DST: variants seen among roughly 807,000 people sequenced by gnomAD.
The protein encoded by DST is bullous pemphigoid antigen.
In DST, 253 loss-of-function variants were observed where a neutral mutation model predicts 875.2. The observed-to-expected ratio is 0.29, with a 90% confidence interval of 0.26 to 0.32. The LOEUF (loss-of-function observed/expected upper bound fraction) is 0.32. DST is among the 10% of genes least tolerant of loss of function. The pLI is 1.00. For missense variants in DST, 8,287 were observed against 9,111.6 expected (o/e 0.91, Z 3.68); for synonymous variants, 3,124 against 3,197.1 (o/e 0.98, Z 0.77).
intron 2 of DST, among the ~76,000 whole-genome samples, chr6:56,933,370 A>C (rs187409067): frequency 3.3e-4 from 51 of 152,346 alleles, no homozygotes; most frequent in African/African-American, 1.2e-3. Context: ...TGCCTTTAAG[A>C]ACTCGACTTG....
At chr6:56,641,407 C>A (rs759617183) in intron 17 of DST, among the ~76,000 whole-genome samples, 1 of 151,902 alleles carries the variant, frequency 6.6e-6, no homozygotes, top group South Asian at 2.1e-4. Flanking sequence ...GCAAACATGG[C>A]AAAACCCTGC....
chr6:56,644,820 T>C (rs755111017), intron 15 of DST, among the ~76,000 whole-genome samples: 5 of 152,142 alleles, frequency 3.3e-5, no homozygotes, highest in Admixed American at 6.6e-5. Context: ...TACCCTGTAA[T>C]ATGGTTTGCC....
intron 4 of DST, among the ~76,000 whole-genome samples, chr6:56,831,617 T>C (rs1024490133): frequency 6.6e-6 from 1 of 152,092 alleles, no homozygotes; most frequent in Admixed American, 6.6e-5. Flanking sequence ...CAAACTCTGC[T>C]CTTTGAGAGG....
intron 3 of DST, among the ~76,000 whole-genome samples, chr6:56,872,123 G>C (rs1237313726): frequency 6.6e-6 from 1 of 152,102 alleles, no homozygotes; most frequent in African/African-American, 2.4e-5. Context: ...GCATGTACAA[G>C]AAAATGCACA....
intron 4 of DST, among the ~76,000 whole-genome samples, chr6:56,812,995 CAAT>C (rs1237110123): frequency 1.3e-5 from 2 of 151,736 alleles, no homozygotes; most frequent in African/African-American, 4.8e-5. Flanking sequence ...AAATGTCCAA[CAAT>C]GATAGACTGG....
intron 4 of DST, among the ~76,000 whole-genome samples, chr6:56,822,743 TTTTATA>T (rs995362497): frequency 2.0e-5 from 3 of 152,104 alleles, no homozygotes; most frequent in Non-Finnish European, 4.4e-5. Context: ...CCTCTAGACC[TTTTATA>T]TTTAGAGGTT....
intron 82 of DST, among the ~76,000 whole-genome samples, chr6:56,496,486 T>A (rs2095909143): frequency 1.3e-5 from 2 of 151,992 alleles, no homozygotes; most frequent in Admixed American, 1.3e-4. Context: ...TTTTTTTTTT[T>A]AACGGAACAA....
intron 55 of DST, among the ~76,000 whole-genome samples, chr6:56,562,832 T>C (rs2097562098): frequency 6.6e-6 from 1 of 150,866 alleles, no homozygotes. Context: ...AGTGAGAACA[T>C]GCGGTGTTTG....
intron 58 of DST, 67 bp downstream of exon 58, chr6:56,560,227 A>AG: frequency 7.2e-7 from 1 of 1,389,520 alleles, no homozygotes; most frequent in Non-Finnish European, 9.6e-7. Context: ...TCTGATAAAG[A>AG]TCATGATAAA....
chr6:56,477,474 T>C lies in DST; in HGVS notation c.21546A>G (p.Lys7182=). Residue 7182 remains lysine, a synonymous_variant, in exon 91 of 104, where the codon AAA becomes AAG. Coordinates refer to ENST00000680361, the MANE Select transcript of DST (RefSeq NM_001374736.1). ...TTAGTTCAGCTCTCTTTTCTTCCAG[T>C]TTCTTCATGAATTCCTACAGCAGAA... ...LIDQHKEFMK[K]LEEKRAELNK... 1 of 1,613,972 alleles carries C rather than the reference T, an allele frequency of 6.2e-7. No individual in the cohort carries two copies. Among genetic ancestry groups the C allele is most frequent in the African/African-American group, 1.3e-5 (1 of 75,042 alleles).
intron 3 of DST, among the ~76,000 whole-genome samples, chr6:56,880,618 T>C (rs67063738): frequency 0.27 from 39,703 of 148,658 alleles, 6,253 homozygotes; most frequent in African/African-American, 0.45. Context: ...ACCCAGGAGG[T>C]GGAGGTTGCA....
chr6:56,948,357 G>C (rs2127809001), intron 2 of DST, among the ~76,000 whole-genome samples: 1 of 152,236 alleles, frequency 6.6e-6, no homozygotes, highest in East Asian at 1.9e-4. Flanking sequence ...AGTAAAATAA[G>C]GGTGACTTGA....
intron 4 of DST, among the ~76,000 whole-genome samples, chr6:56,740,218 T>C (rs1175625608): frequency 6.6e-6 from 1 of 152,166 alleles, no homozygotes; most frequent in African/African-American, 2.4e-5. Flanking sequence ...TCACCCTGAA[T>C]TCTCTCTGGC....
intron 9 of DST, chr6:56,692,459 AC>A (rs1216999481): frequency 1.6e-6 from 2 of 1,289,220 alleles, no homozygotes; most frequent in Non-Finnish European, 2.0e-6. Flanking sequence ...TTTTTTTTAA[AC>A]TGAAAATGCT....
chr6:56,923,463 C>CAAA (rs57118743), intron 2 of DST, among the ~76,000 whole-genome samples: 4,321 of 48,660 alleles, frequency 0.089, 329 homozygotes, highest in East Asian at 0.13. Context: ...GGCTCACTGG[C>CAAA]AAAAAAAAAA....
intron 100 of DST, chr6:56,464,374 C>A: frequency 2.6e-6 from 1 of 387,494 alleles, no homozygotes; most frequent in Non-Finnish European, 4.6e-6. Context: ...AACACCAGAC[C>A]CAAGGATCTG....
rs77170458 is a variant in DST, at chr6:56,941,853, G to A, written c.216+11932C>T. Among the ~76,000 whole-genome samples the A allele has an allele frequency of 6.6e-3, 998 of 152,272 alleles. 10 individuals carry two copies. Among genetic ancestry groups the A allele is most frequent in the African/African-American group, 0.023 (960 of 41,530 alleles). ...TAGAGTTGTTTAGCTCTTTACCTAC[G>A]TTTTTACTGATTTTCTGTGTGGATG... On this transcript the variant is annotated intron_variant, in intron 2 of 103. Transcript: ENST00000680361.
chr6:56,809,395 A>G lies in DST; in HGVS notation c.625+42002T>C, dbSNP rs9475732. On this transcript the variant is annotated intron_variant, in intron 4 of 103. Coordinates refer to ENST00000680361, the MANE Select transcript of DST (RefSeq NM_001374736.1). ...CTAGCTAGAGTCTCAGGGGTATACA[A>G]ATCTTTCAAACACTATTAAACAATC... Among the ~76,000 whole-genome samples the G allele has an allele frequency of 5.3e-3, 804 of 152,236 alleles. 8 individuals carry two copies. Among genetic ancestry groups the G allele is most frequent in the African/African-American group, 0.019 (774 of 41,552 alleles).
At chr6:56,705,199 T>C (rs529367290) in intron 5 of DST, among the ~76,000 whole-genome samples, 1 of 152,342 alleles carries the variant, frequency 6.6e-6, no homozygotes, top group Admixed American at 6.5e-5. Context: ...AAGATGGCTG[T>C]TCCACAGTGG....
Sources: gnomAD v4.1 joint callset for allele counts (sites outside exome capture counted in the v4.1 genomes callset) on GRCh38, gnomAD v4.1.1 for gene constraint, MANE v1.5 for transcripts, NCBI Gene and HGNC (gene_info 2026-07-23, HGNC 2026-07-21) for gene names.